Variants in RBFOX1 observed in about 807,000 individuals in gnomAD.
RBFOX1 encodes RNA binding protein fox-1 homolog 1.
Under a neutral mutation model 57.7 loss-of-function variants are expected in RBFOX1, and 8 were observed. The observed-to-expected ratio is 0.14, with a 90% confidence interval of 0.08 to 0.25. RBFOX1 has a LOEUF of 0.25. RBFOX1 is among the 10% of genes least tolerant of loss of function. RBFOX1 has a pLI of 1.00. For synonymous variants in RBFOX1, 326 were observed against 222.4 expected (o/e 1.47, Z -4.15); for missense variants, 611 against 548.5 (o/e 1.11, Z -1.14).
chr16:7,479,177 G>A lies in RBFOX1; in HGVS notation c.28-38970G>A, dbSNP rs189608080. 3.2e-3 allele frequency among the ~76,000 whole-genome samples: 484 copies of A among 151,512 alleles called. 4 individuals are homozygous for A. Among genetic ancestry groups the A allele is most frequent in the African/African-American group, 0.011 (447 of 41,352 alleles). ...CTCGGTCTGTTGCCTAGGCTGGAGCGCAGTGGTGTGATCTCGGCTCAGTGC... is the reference window on the plus strand; with the variant it reads ...CTCGGTCTGTTGCCTAGGCTGGAGCACAGTGGTGTGATCTCGGCTCAGTGC... On this transcript the variant is annotated intron_variant, in intron 4 of 15. Transcript: ENST00000550418.
In RBFOX1 at chr16:6,394,247, C is replaced by T. The variant is rs570519913; in HGVS notation, c.-64+77190C>T. ...CTTAATTTCATAGTGTTTGTTTGCTCATCTGAAAACAAAAGGGATAATGCT... is the reference window on the plus strand; with the variant it reads ...CTTAATTTCATAGTGTTTGTTTGCTTATCTGAAAACAAAAGGGATAATGCT... On this transcript the variant is annotated intron_variant, in intron 2 of 15. Transcript: ENST00000550418. 2.6e-5 allele frequency among the ~76,000 whole-genome samples: 4 copies of T among 152,204 alleles called. No homozygotes were observed. In the East Asian group the frequency reaches 5.8e-4, roughly 22 times the overall value.
At chr16:5,684,664 C>T (rs930222020) in intron 3 of RBFOX1, among the ~76,000 whole-genome samples, 21 of 152,164 alleles carry the variant, frequency 1.4e-4, no homozygotes, top group African/African-American at 5.1e-4. Context: ...ATGATTCAGC[C>T]TTTTCATCAG....
At chr16:5,359,910 T>A (rs1469035691) in intron 1 of RBFOX1, among the ~76,000 whole-genome samples, 2 of 147,166 alleles carry the variant, frequency 1.4e-5, no homozygotes, top group Admixed American at 1.4e-4. Flanking sequence ...ACTTGCCAAT[T>A]CTCACATTTA....
At chr16:6,138,861 C>T (rs994281024) in intron 1 of RBFOX1, among the ~76,000 whole-genome samples, 6 of 152,054 alleles carry the variant, frequency 3.9e-5, no homozygotes, top group African/African-American at 9.7e-5. Flanking sequence ...AGTGAGGCTC[C>T]GTCTCAAATA....
In RBFOX1 at chr16:7,009,731, C is replaced by T. The variant is rs186681167; in HGVS notation, c.-15-42326C>T. Among the ~76,000 whole-genome samples the T allele has an allele frequency of 1.5e-4, 23 of 152,262 alleles. No individual in the cohort carries two copies. The East Asian group carries it at 3.9e-3, about 26-fold the overall frequency. On this transcript the variant is annotated intron_variant, in intron 3 of 15. Coordinates refer to ENST00000550418, the MANE Select transcript of RBFOX1 (RefSeq NM_018723.4). The stretch of plus-strand genomic sequence containing the variant: ...TTGAGCCAACCTAATCAGCCTGATA[C>T]CACAGTAGTTCTCTTGATTAAACAC...
At position 7,466,151 on chromosome 16, in the gene RBFOX1, G is replaced by C. The variant is rs56133940; in HGVS notation, c.28-51996G>C. On this transcript the variant is annotated intron_variant, in intron 4 of 15. Transcript: ENST00000550418. The stretch of plus-strand genomic sequence containing the variant: ...GCAACAGTGAACACCATCTGGGTCA[G>C]CAATAGGATTCAACTGCCAAAAAGC... 1.5e-3 allele frequency among the ~76,000 whole-genome samples: 234 copies of C among 152,284 alleles called. 1 individual carries two copies. The highest frequency in any genetic ancestry group is 5.2e-3 in the African/African-American group (216 of 41,552).
intron 10 of RBFOX1, chr16:7,614,970 G>T (rs1433006483): frequency 1.3e-5 from 2 of 152,100 alleles, no homozygotes; most frequent in Non-Finnish European, 2.9e-5. Flanking sequence ...GCTTTGCTAC[G>T]CAGCATCCTC....
chr16:6,171,897 C>T (rs973756495), intron 1 of RBFOX1, among the ~76,000 whole-genome samples: 1 of 152,070 alleles, frequency 6.6e-6, no homozygotes, highest in Non-Finnish European at 1.5e-5. Context: ...TTTCCGCTCA[C>T]TGTGACCTCT....
chr16:5,732,679 C>A (rs1398612137), intron 3 of RBFOX1, among the ~76,000 whole-genome samples: 1 of 152,150 alleles, frequency 6.6e-6, no homozygotes, highest in African/African-American at 2.4e-5. Context: ...TTTAGTTAAT[C>A]TAAGATCACA....
At chr16:5,512,765 G>T (rs868661911) in intron 2 of RBFOX1, among the ~76,000 whole-genome samples, 17 of 152,130 alleles carry the variant, frequency 1.1e-4, no homozygotes, top group Non-Finnish European at 2.2e-4. Flanking sequence ...GACCCGTATT[G>T]ATGCATTGTT....
At chr16:7,164,471 G>A (rs2079023755) in intron 4 of RBFOX1, among the ~76,000 whole-genome samples, 3 of 152,130 alleles carry the variant, frequency 2.0e-5, no homozygotes, top group Admixed American at 6.5e-5. Flanking sequence ...TTTCCTCTGG[G>A]TGAATAGCCA....
intron 3 of RBFOX1, among the ~76,000 whole-genome samples, chr16:6,758,933 A>T (rs1401754073): frequency 6.6e-6 from 1 of 152,068 alleles, no homozygotes; most frequent in Admixed American, 6.6e-5. Context: ...GAAAGAGTTT[A>T]GAAAGAGGAA....
At chr16:7,012,636 AT>A (rs1196758508) in intron 3 of RBFOX1, among the ~76,000 whole-genome samples, 1 of 152,166 alleles carries the variant, frequency 6.6e-6, no homozygotes, top group African/African-American at 2.4e-5. Flanking sequence ...AAAAAATGAG[AT>A]CCAACAGACC....
chr16:5,323,554 C>A (rs1445676953), intron 1 of RBFOX1, among the ~76,000 whole-genome samples: 1 of 152,242 alleles, frequency 6.6e-6, no homozygotes, highest in Non-Finnish European at 1.5e-5. Flanking sequence ...TTGCTCTGTG[C>A]ACCTTTGCTA....
intron 3 of RBFOX1, among the ~76,000 whole-genome samples, chr16:6,691,032 T>C (rs960170043): frequency 6.6e-6 from 1 of 152,176 alleles, no homozygotes; most frequent in African/African-American, 2.4e-5. Context: ...TCCAGTCATT[T>C]TGTTATTCAT....
At chr16:5,796,589 A>C (rs900279515) in intron 3 of RBFOX1, among the ~76,000 whole-genome samples, 4 of 147,782 alleles carry the variant, frequency 2.7e-5, no homozygotes, top group African/African-American at 1.1e-4. Context: ...TGATGGTGAC[A>C]GCAATAGCAG....
At chr16:6,081,606 C>G (rs984955240) in intron 1 of RBFOX1, among the ~76,000 whole-genome samples, 20 of 152,270 alleles carry the variant, frequency 1.3e-4, no homozygotes, top group Admixed American at 3.9e-4. Flanking sequence ...TTACAAAGAG[C>G]TTCCCGTGAG....
chr16:6,378,535 G>A (rs1220342093), intron 2 of RBFOX1, among the ~76,000 whole-genome samples: 1 of 152,148 alleles, frequency 6.6e-6, no homozygotes, highest in Non-Finnish European at 1.5e-5. Context: ...TCTCCTGGCT[G>A]GATCATCTGG....
intron 2 of RBFOX1, among the ~76,000 whole-genome samples, chr16:5,566,970 A>C (rs1329820791): frequency 6.6e-6 from 1 of 152,196 alleles, no homozygotes; most frequent in Non-Finnish European, 1.5e-5. Flanking sequence ...AAGTGGCTTC[A>C]CCGGCTGGGA....
Sources: gnomAD v4.1 joint callset for allele counts (sites outside exome capture counted in the v4.1 genomes callset) on GRCh38, gnomAD v4.1.1 for gene constraint, MANE v1.5 for transcripts, NCBI Gene and HGNC (gene_info 2026-07-23, HGNC 2026-07-21) for gene names.